PDE6A: variants seen among roughly 807,000 people sequenced by gnomAD.
PDE6A encodes the protein phosphodiesterase 6A, also known as rod cGMP-specific 3',5'-cyclic phosphodiesterase subunit alpha.
A neutral mutation model predicts 106.3 loss-of-function variants in PDE6A; 84 were observed. The observed-to-expected ratio is 0.79, with a 90% confidence interval of 0.66 to 0.95. The LOEUF is 0.95. Ranked by LOEUF, PDE6A falls within the 40% of genes least tolerant of loss-of-function variation. The pLI, the probability that PDE6A is intolerant of heterozygous loss-of-function variation, is 0.00. For synonymous variants in PDE6A, 394 were observed against 386.6 expected (o/e 1.02, Z -0.23); for missense variants, 1,052 against 1,084.9 (o/e 0.97, Z 0.43).
chr5:149,921,643 C>T lies in PDE6A; in HGVS notation c.925G>A (p.Asp309Asn), dbSNP rs778733780. ...GGTCAGAGAGAACGTACTCTTCCATCCGGAGTCCTGGGACCAGAGTAAGGT... is the reference window on the plus strand; with the variant it reads ...GGTCAGAGAGAACGTACTCTTCCATTCGGAGTCCTGGGACCAGAGTAAGGT... ...VPPYSGPRTPDGREINFYKVI... is the reference protein window; with the variant it reads ...VPPYSGPRTPNGREINFYKVI... Residue 309 changes from aspartate (D) to asparagine (N), a missense_variant, in exon 5 of 22, where the codon GAT becomes AAT. By Grantham distance (23) the Asp-to-Asn change is conservative. Around this residue, in one of 3 missense-constraint regions of PDE6A, gnomAD observed 913 missense variants for 915.2 expected, o/e 1.00. Coordinates refer to ENST00000255266, the MANE Select transcript of PDE6A (RefSeq NM_000440.3). 5 of 1,613,044 alleles carry T rather than the reference C, an allele frequency of 3.1e-6. No individual in the cohort carries two copies. The South Asian group carries it at 3.3e-5, about 11-fold the overall frequency.
chr5:149,920,942 A>AAAGAAAG (rs1554091210), intron 5 of PDE6A, among the ~76,000 whole-genome samples: 10 of 108,348 alleles, frequency 9.2e-5, no homozygotes, highest in East Asian at 5.1e-4. Context: ...GAAAGAGAGA[A>AAAGAAAG]AAAGAAAGAA....
intron 5 of PDE6A, among the ~76,000 whole-genome samples, chr5:149,917,940 T>G (rs1000674797): frequency 6.6e-6 from 1 of 152,188 alleles, no homozygotes; most frequent in African/African-American, 2.4e-5. Context: ...TCTTACTCCC[T>G]TTCCTGTCCT....
chr5:149,895,776 T>TGA (rs895422903), intron 12 of PDE6A, among the ~76,000 whole-genome samples: 1 of 151,644 alleles, frequency 6.6e-6, no homozygotes, highest in Non-Finnish European at 1.5e-5. Flanking sequence ...TCTGTGTGTG[T>TGA]GAGAGAGAGA....
In PDE6A at chr5:149,867,004, A is replaced by C. The variant is rs1760354733; in HGVS notation, c.2274+721T>G. The stretch of plus-strand genomic sequence containing the variant: ...GGGGCCCTTCACGTGTTTCTTCATG[A>C]CAGGACCTGCTCCTCCCAGCCTTCT... On this transcript the variant is annotated intron_variant, in intron 19 of 21. Coordinates refer to ENST00000255266, the MANE Select transcript of PDE6A (RefSeq NM_000440.3). 3.2e-5 allele frequency: 5 copies of C among 155,994 alleles called. No individual in the cohort carries two copies. In the South Asian group the frequency reaches 9.8e-4, roughly 31 times the overall value. 9.7% of individuals were successfully genotyped at this position (155,994 alleles called of 1,614,324 possible).
At chr5:149,864,207 A>AAG (rs1243722956) in intron 20 of PDE6A, among the ~76,000 whole-genome samples, 2 of 151,864 alleles carry the variant, frequency 1.3e-5, no homozygotes, top group East Asian at 3.9e-4. Flanking sequence ...TACTCAGTAA[A>AAG]TATTTTCTGA....
chr5:149,923,490 T>C (rs1429101961), intron 4 of PDE6A, among the ~76,000 whole-genome samples: 1 of 151,558 alleles, frequency 6.6e-6, no homozygotes, highest in Admixed American at 6.6e-5. Flanking sequence ...AGAGTGAGAC[T>C]CTGTCTCAAA....
intron 5 of PDE6A, among the ~76,000 whole-genome samples, chr5:149,920,405 A>T (rs1385904164): frequency 6.6e-6 from 1 of 151,940 alleles, no homozygotes; most frequent in Non-Finnish European, 1.5e-5. Context: ...ACATGGCAAA[A>T]CCCTGTCTCT....
chr5:149,880,082 A>T (rs1445313016), intron 17 of PDE6A, among the ~76,000 whole-genome samples: 1 of 152,028 alleles, frequency 6.6e-6, no homozygotes, highest in Non-Finnish European at 1.5e-5. Context: ...GGTCACCATT[A>T]TTACTCTTCC....
chr5:149,878,780 T>C (rs903273375), intron 17 of PDE6A, among the ~76,000 whole-genome samples: 2 of 152,226 alleles, frequency 1.3e-5, no homozygotes, highest in Non-Finnish European at 2.9e-5. Context: ...CACTGTAACT[T>C]TTCTGGGAAC....
Position 149,914,983 on chromosome 5 carries a change from C to T in PDE6A, c.958G>A (p.Asp320Asn), listed in dbSNP as rs1480503354. ...TCCTCTTTGCCATGCAGGATGTAGTCAATGACCTTGTAAAAGTTAATTTCC... is the reference window on the plus strand; with the variant it reads ...TCCTCTTTGCCATGCAGGATGTAGTTAATGACCTTGTAAAAGTTAATTTCC... ...GREINFYKVI[D>N]YILHGKEDIK... The change falls in exon 6 of 22, where the codon GAC (aspartate) becomes AAC (asparagine). Residue 320 changes from aspartate (D) to asparagine (N), a missense_variant. Coordinates refer to ENST00000255266, the MANE Select transcript of PDE6A (RefSeq NM_000440.3). 1 of 1,581,306 alleles carries T rather than the reference C, an allele frequency of 6.3e-7. No individual in the cohort carries two copies. Among genetic ancestry groups the T allele is most frequent in the Non-Finnish European group, 8.7e-7 (1 of 1,155,350 alleles).
intron 4 of PDE6A, among the ~76,000 whole-genome samples, chr5:149,924,140 G>A (rs1196224442): frequency 6.6e-6 from 1 of 152,150 alleles, no homozygotes; most frequent in African/African-American, 2.4e-5. Context: ...GTTATACACA[G>A]GCGAATAAGG....
chr5:149,933,969 G>A lies in PDE6A; in HGVS notation c.678C>T (p.His226=), dbSNP rs762172422. 16 of 1,613,978 alleles carry A rather than the reference G, an allele frequency of 9.9e-6. No homozygotes were observed. Among genetic ancestry groups the A allele is most frequent in the Admixed American group, 1.7e-5 (1 of 60,028 alleles). ...NFANLIMKVY[H]LSYLHNCETR... ...TTTCACAGTTGTGCAGGTAACTCAG[G>A]TGGTACACCTTCATGATTAGATTTG... is the stretch of plus-strand genomic sequence containing the variant. Residue 226 remains histidine, a synonymous_variant, in exon 3 of 22, where the codon CAC becomes CAT. Coordinates refer to ENST00000255266, the MANE Select transcript of PDE6A (RefSeq NM_000440.3).
intron 5 of PDE6A, among the ~76,000 whole-genome samples, chr5:149,921,140 G>T (rs1002857703): frequency 1.3e-5 from 2 of 152,192 alleles, no homozygotes; most frequent in East Asian, 3.9e-4. Context: ...ATTCCTGCAA[G>T]GTGAAGCCTT....
chr5:149,896,648 C>T, intron 11 of PDE6A, 63 bp downstream of exon 11: 1 of 1,613,878 alleles, frequency 6.2e-7, no homozygotes, highest in East Asian at 2.2e-5. Context: ...GAAACCCCTG[C>T]ATGCTCAGGA....
At chr5:149,891,457 G>A (rs1420449871) in intron 13 of PDE6A, among the ~76,000 whole-genome samples, 1 of 152,128 alleles carries the variant, frequency 6.6e-6, no homozygotes, top group African/African-American at 2.4e-5. Context: ...GCGACAGAGC[G>A]AGATTCCATT....
At position 149,860,321 on chromosome 5, in the gene PDE6A, C is replaced by G. The variant is rs1760088162; in HGVS notation, c.*574G>C. The G allele has an allele frequency of 6.6e-6, 1 of 152,306 alleles. No individual in the cohort carries two copies. The highest frequency in any genetic ancestry group is 1.5e-5 in the Non-Finnish European group (1 of 68,150). The allele number at this position is 152,306 out of a possible 1,614,324, so 9.4% of individuals were successfully genotyped here. On this transcript the variant is annotated 3_prime_UTR_variant, in exon 22 of 22. Transcript: ENST00000255266. ...GATGGGTATGTGGGGATTCAACGTA[C>G]AATTCTCTACTTTTGAAAATGATTG...
chr5:149,899,527 A>T lies in PDE6A; in HGVS notation c.1114-3T>A. On this transcript the variant is annotated splice_polypyrimidine_tract_variant and splice_region_variant and intron_variant, in intron 8 of 21. Coordinates refer to ENST00000255266, the MANE Select transcript of PDE6A (RefSeq NM_000440.3). ...CCAGACTCATCCAGAGGTTCTTTCT[A>T]CAAGAGAAGGGCTAGATTAGGTTTC... The T allele has an allele frequency of 6.2e-7, 1 of 1,614,040 alleles. No homozygotes were observed. The highest frequency in any genetic ancestry group is 8.5e-7 in the Non-Finnish European group (1 of 1,179,914).
chr5:149,918,972 A>C (rs1753630309), intron 5 of PDE6A, among the ~76,000 whole-genome samples: 1 of 152,142 alleles, frequency 6.6e-6, no homozygotes, highest in Non-Finnish European at 1.5e-5. Context: ...GTACCCTATA[A>C]GCAGTTCTAG....
Position 149,866,239 on chromosome 5 carries a change from T to C in PDE6A, c.2289A>G (p.Arg763=). 6.2e-7 allele frequency: 1 copy of C among 1,614,032 alleles called. No individual in the cohort carries two copies. The highest frequency in any genetic ancestry group is 8.5e-7 in the Non-Finnish European group (1 of 1,179,830). The change falls in exon 20 of 22, where the codon AGA becomes AGG. Residue 763 remains arginine, a synonymous_variant. Transcript: ENST00000255266. ...LQQNPIPMMD[R]NKADELPKLQ... ...GCTTAGGGAGTTCATCTGCTTTGTT[T>C]CTGTCCATCATGGGCTGTCATGGGG...
Sources: allele counts gnomAD v4.1 joint callset (sites outside exome capture counted in the v4.1 genomes callset), GRCh38; gene constraint gnomAD v4.1.1; regional missense constraint gnomAD v4.1.1; transcripts MANE v1.5; gene names NCBI Gene and HGNC (gene_info 2026-07-23, HGNC 2026-07-21).